Variants in GCH1 observed in about 807,000 individuals in gnomAD.
The protein encoded by GCH1 is GTP cyclohydrolase 1.
In GCH1, 5 loss-of-function variants were observed where a neutral mutation model predicts 25.9. The observed-to-expected ratio is 0.19, with a 90% CI of 0.10 to 0.41. The LOEUF (loss-of-function observed/expected upper bound fraction) is 0.41, where lower values mean the gene tolerates loss of function less well. Ranked by LOEUF, GCH1 falls within the 10% of genes least tolerant of loss-of-function variation. The pLI is 1.00. For missense variants in GCH1, 261 were observed against 336.5 expected, an observed-to-expected ratio of 0.78 and a Z score of 1.75; for synonymous variants, 159 against 129.6, an observed-to-expected ratio of 1.23 and a Z score of -1.54.
intron 1 of GCH1, among the ~76,000 whole-genome samples, chr14:54,894,395 C>T (rs976296802): frequency 6.6e-6 from 1 of 152,172 alleles, no homozygotes; most frequent in African/African-American, 2.4e-5. Flanking sequence ...GCAAGGACAG[C>T]CTCCCCCACT....
At chr14:54,848,287 T>C (rs11848732) in intron 3 of GCH1, among the ~76,000 whole-genome samples, 66,638 of 151,614 alleles carry the variant, frequency 0.44, 16,492 homozygotes, top group African/African-American at 0.68. Context: ...TAGGCACCCG[T>C]CACCATGCTC....
At chr14:54,899,849 G>A (rs1457377663) in intron 1 of GCH1, among the ~76,000 whole-genome samples, 2 of 151,450 alleles carry the variant, frequency 1.3e-5, no homozygotes, top group Non-Finnish European at 2.9e-5. Context: ...TAATCTTGCA[G>A]TGTCTCTACA....
Position 54,901,421 on chromosome 14 carries a change from C to A in GCH1, c.343+900G>T, listed in dbSNP as rs530813199. Among the ~76,000 whole-genome samples, 5 of 152,324 alleles carry A rather than the reference C, an allele frequency of 3.3e-5. No individual in the cohort carries two copies. The South Asian group carries it at 1.0e-3, about 32-fold the overall frequency. ...TCTGGCCAACAGGCAGCAAAGTCCCCATTTTCCACTCTCCATCACCCCATC... is the reference window on the plus strand; with the variant it reads ...TCTGGCCAACAGGCAGCAAAGTCCCAATTTTCCACTCTCCATCACCCCATC... On this transcript the variant is annotated intron_variant, in intron 1 of 5. Transcript: ENST00000491895.
At chr14:54,847,984 T>C (rs556137320) in intron 3 of GCH1, among the ~76,000 whole-genome samples, 1 of 152,220 alleles carries the variant, frequency 6.6e-6, no homozygotes, top group Admixed American at 6.5e-5. Flanking sequence ...CAACTAAACC[T>C]ATTAGGAGAA....
intron 3 of GCH1, among the ~76,000 whole-genome samples, chr14:54,847,463 G>A (rs974751910): frequency 1.3e-5 from 2 of 152,160 alleles, no homozygotes; most frequent in African/African-American, 2.4e-5. Context: ...ATACAAAGCA[G>A]GCAGAAATAT....
chr14:54,876,159 A>C (rs1353914447), intron 1 of GCH1, among the ~76,000 whole-genome samples: 2 of 152,220 alleles, frequency 1.3e-5, no homozygotes, highest in Admixed American at 1.3e-4. Flanking sequence ...ACAGAATACT[A>C]TGCAGCCATA....
chr14:54,884,626 C>G (rs1595012623), intron 1 of GCH1, among the ~76,000 whole-genome samples: 1 of 151,888 alleles, frequency 6.6e-6, no homozygotes, highest in South Asian at 2.1e-4. Flanking sequence ...AAAAATTAGC[C>G]GGGCGTAGTG....
At chr14:54,867,589 CAAA>C (rs1029899399) in intron 1 of GCH1, among the ~76,000 whole-genome samples, 3 of 46,670 alleles carry the variant, frequency 6.4e-5, no homozygotes, top group Admixed American at 2.7e-4. Flanking sequence ...GACTCCGTCT[CAAA>C]AAAAAAAAAA....
Position 54,881,804 on chromosome 14 carries a change from A to G in GCH1, c.344-16368T>C, listed in dbSNP as rs2040277054. Among the ~76,000 whole-genome samples the G allele has an allele frequency of 2.0e-5, 3 of 152,356 alleles. No homozygotes were observed. In the South Asian group the frequency reaches 6.2e-4, roughly 32 times the overall value. ...TTTCACTCCATCTTTGGCAGAGACA[A>G]ATTCATATGTTGCTCTTAGCTATTA... is the stretch of plus-strand genomic sequence containing the variant. On this transcript the variant is annotated intron_variant, in intron 1 of 5. Coordinates refer to ENST00000491895, the MANE Select transcript of GCH1 (RefSeq NM_000161.3).
intron 3 of GCH1, among the ~76,000 whole-genome samples, chr14:54,848,798 C>A (rs1334622070): frequency 6.6e-6 from 1 of 152,090 alleles, no homozygotes; most frequent in African/African-American, 2.4e-5. Flanking sequence ...ATATTAATAG[C>A]TATATTCTAT....
At chr14:54,850,437 C>A (rs1412116413) in intron 3 of GCH1, among the ~76,000 whole-genome samples, 5 of 151,602 alleles carry the variant, frequency 3.3e-5, no homozygotes, top group Admixed American at 6.6e-5. Context: ...CTCAGCCTCC[C>A]AAGTAGCTGG....
At chr14:54,894,528 G>A (rs1157534377) in intron 1 of GCH1, among the ~76,000 whole-genome samples, 1 of 152,122 alleles carries the variant, frequency 6.6e-6, no homozygotes, top group East Asian at 1.9e-4. Flanking sequence ...TGTGATAGCA[G>A]CCCTGGGAAT....
At chr14:54,876,058 C>T (rs1442971040) in intron 1 of GCH1, among the ~76,000 whole-genome samples, 2 of 152,052 alleles carry the variant, frequency 1.3e-5, no homozygotes, top group Admixed American at 6.6e-5. Flanking sequence ...GTATGTTTAC[C>T]GTGGCACTAT....
chr14:54,842,538 C>A lies in GCH1; in HGVS notation c.*1479G>T, dbSNP rs533240612. On this transcript the variant is annotated 3_prime_UTR_variant, in exon 6 of 6. Transcript: ENST00000491895. ...ACTCCAGAAAGAAAAAGCTAGGAAACAGAAGTAGAGAGGAATGGAAAAAAA... is the reference window on the plus strand; with the variant it reads ...ACTCCAGAAAGAAAAAGCTAGGAAAAAGAAGTAGAGAGGAATGGAAAAAAA... The A allele has an allele frequency of 4.6e-4, 70 of 153,158 alleles. 1 individual carries two copies. The South Asian group carries it at 4.8e-3, about 10-fold the overall frequency. The allele number at this position is 153,158 out of a possible 1,614,324, so 9.5% of individuals were successfully genotyped here. A position where few individuals can be genotyped will look rare whatever the true frequency, so the allele number is the denominator to read the frequency against.
chr14:54,891,718 A>C lies in GCH1; in HGVS notation c.343+10603T>G, dbSNP rs572567053. On this transcript the variant is annotated intron_variant, in intron 1 of 5. Transcript: ENST00000491895. The stretch of plus-strand genomic sequence containing the variant: ...AGCCATCGCATCCAGCCAACAATTC[A>C]TAAGTTTTAAAATGCACGCTATTCT... 7.9e-5 allele frequency among the ~76,000 whole-genome samples: 12 copies of C among 152,254 alleles called. No individual in the cohort carries two copies. In the South Asian group the frequency reaches 1.9e-3, roughly 24 times the overall value.
chr14:54,888,637 C>T (rs947975383), intron 1 of GCH1, among the ~76,000 whole-genome samples: 2 of 151,784 alleles, frequency 1.3e-5, no homozygotes, highest in Non-Finnish European at 2.9e-5. Context: ...CTCAGCCTCC[C>T]GAGTAGCTGG....
chr14:54,843,142 T>C lies in GCH1; in HGVS notation c.*875A>G, dbSNP rs1176775352. On this transcript the variant is annotated 3_prime_UTR_variant, in exon 6 of 6. Transcript: ENST00000491895. ...AAAAAAAAGAAGAAGAAGAAACATT[T>C]TGAGGCATCTACATGGATCACACAA... The C allele has an allele frequency of 9.2e-6, 14 of 1,525,088 alleles. No homozygotes were observed. The highest frequency in any genetic ancestry group is 1.1e-5 in the Non-Finnish European group (12 of 1,128,536). 94.5% of individuals were successfully genotyped at this position (1,525,088 alleles called of 1,614,324 possible). A position where few individuals can be genotyped will look rare whatever the true frequency, so the allele number is the denominator to read the frequency against.
intron 1 of GCH1, among the ~76,000 whole-genome samples, chr14:54,879,114 C>T (rs1345330048): frequency 1.3e-5 from 2 of 152,110 alleles, no homozygotes; most frequent in African/African-American, 2.4e-5. Flanking sequence ...GAAATTCATG[C>T]AGCCAAGGGA....
Position 54,902,477 on chromosome 14 carries a change from C to G in GCH1, c.187G>C (p.Asp63His). The G allele has an allele frequency of 1.2e-6, 2 of 1,611,842 alleles. No homozygotes were observed. The highest frequency in any genetic ancestry group is 8.5e-7 in the Non-Finnish European group (1 of 1,179,472). ...AGGTTAGGGAGGTTCAGCTCGTTAT[C>G]CTCCTCGCTGCGGGGCCGCTCGCCC... ...WKGERPRSEEDNELNLPNLAA... is the reference protein window; with the variant it reads ...WKGERPRSEEHNELNLPNLAA... The change falls in exon 1 of 6, where the codon GAT becomes CAT. Residue 63 changes from aspartate to histidine, a missense_variant. Around this residue, in one of 3 missense-constraint regions of GCH1, gnomAD observed 125 missense variants for 128.7 expected, o/e 0.97. Coordinates refer to ENST00000491895, the MANE Select transcript of GCH1 (RefSeq NM_000161.3).
Sources: gnomAD v4.1 joint callset for allele counts (sites outside exome capture counted in the v4.1 genomes callset) on GRCh38, gnomAD v4.1.1 for gene constraint, gnomAD v4.1.1 regional missense constraint, MANE v1.5 for transcripts, NCBI Gene and HGNC (gene_info 2026-07-23, HGNC 2026-07-21) for gene names.